AAGAB: variants seen among roughly 807,000 people sequenced by gnomAD.
AAGAB encodes alpha- and gamma-adaptin-binding protein p34.
Under a neutral mutation model 44.1 loss-of-function variants are expected in AAGAB, and 38 were observed. The ratio of observed to expected loss-of-function variants is 0.86; its 90% CI spans 0.67 to 1.13. The LOEUF (loss-of-function observed/expected upper bound fraction) is 1.13. AAGAB is among the 50% of genes most tolerant of loss of function. The pLI, the probability that AAGAB is intolerant of heterozygous loss-of-function variation, is 0.00. For missense variants in AAGAB, 450 were observed against 373.8 expected, an observed-to-expected ratio of 1.20 and a Z score of -1.68; for synonymous variants, 131 against 131.8, an observed-to-expected ratio of 0.99 and a Z score of 0.04.
intron 5 of AAGAB, among the ~76,000 whole-genome samples, chr15:67,213,940 T>G (rs1436165768): frequency 6.6e-6 from 1 of 152,256 alleles, no homozygotes; most frequent in African/African-American, 2.4e-5. Context: ...TTTATTTTAT[T>G]ATTCTCTTTT....
chr15:67,229,259 C>G (rs1964277015), intron 5 of AAGAB, among the ~76,000 whole-genome samples: 1 of 151,990 alleles, frequency 6.6e-6, no homozygotes. Context: ...TGGTGAAACC[C>G]CCGTCTCTAC....
At chr15:67,213,584 T>G (rs577766495) in intron 5 of AAGAB, among the ~76,000 whole-genome samples, 104 of 152,318 alleles carry the variant, frequency 6.8e-4, no homozygotes, top group Middle Eastern at 3.4e-3. Flanking sequence ...TTCTGATTTT[T>G]TCCCTTCTCC....
chr15:67,252,684 G>T (rs1195739382), intron 1 of AAGAB, among the ~76,000 whole-genome samples: 2 of 152,084 alleles, frequency 1.3e-5, no homozygotes, highest in South Asian at 2.1e-4. Context: ...GAAGAAAGGA[G>T]GGAAGGGAGA....
rs575962962 is a variant in AAGAB at position 67,200,709 on chromosome 15, A to T, written c.*2112T>A. On this transcript the variant is annotated 3_prime_UTR_variant, in exon 10 of 10. Transcript: ENST00000261880. ...TGGCAATTCTGTAACAACTTGTGGT[A>T]GCATGAACATAGGTCACTTTAGATA... Among the ~76,000 whole-genome samples the T allele has an allele frequency of 6.6e-6, 1 of 152,394 alleles. No homozygotes were observed. Among genetic ancestry groups the T allele is most frequent in the South Asian group, 2.1e-4 (1 of 4,830 alleles).
At chr15:67,239,483 C>T (rs547561950) in intron 1 of AAGAB, among the ~76,000 whole-genome samples, 1 of 152,276 alleles carries the variant, frequency 6.6e-6, no homozygotes, top group East Asian at 1.9e-4. Flanking sequence ...GGAATGGAAC[C>T]AATAAGTTGG....
chr15:67,228,802 G>A (rs546957127), intron 5 of AAGAB, among the ~76,000 whole-genome samples: 2 of 152,232 alleles, frequency 1.3e-5, no homozygotes, highest in African/African-American at 2.4e-5. Context: ...GCATAAAAAC[G>A]AACAAAGTCA....
chr15:67,230,687 T>G (rs1325788635), intron 5 of AAGAB, among the ~76,000 whole-genome samples: 1 of 152,178 alleles, frequency 6.6e-6, no homozygotes, highest in African/African-American at 2.4e-5. Flanking sequence ...ACCATAGCCC[T>G]AGGGAACCAA....
At chr15:67,220,370 A>G (rs933323954) in intron 5 of AAGAB, 4 of 152,060 alleles carry the variant, frequency 2.6e-5, no homozygotes, top group Admixed American at 2.0e-4. Context: ...GTAAATTAAC[A>G]CTCTGTGCTC....
chr15:67,236,918 G>T, intron 1 of AAGAB, 98 bp from the exon 2 acceptor site: 2 of 956,040 alleles, frequency 2.1e-6, no homozygotes, highest in Non-Finnish European at 3.0e-6. Flanking sequence ...TACTTTTGCT[G>T]TTTCCTTTTA....
intron 5 of AAGAB, among the ~76,000 whole-genome samples, chr15:67,222,240 G>GCA (rs1156310462): frequency 0.013 from 1,126 of 88,248 alleles, 9 homozygotes; most frequent in African/African-American, 0.035. Context: ...ACGCGCGCGC[G>GCA]CGCACACACA....
chr15:67,255,084 A>G, upstream of AAGAB: 7 of 832,086 alleles, frequency 8.4e-6, no homozygotes, highest in Non-Finnish European at 1.4e-5. Context: ...GAGGCTCCCA[A>G]AAATGCCCAC....
intron 1 of AAGAB, among the ~76,000 whole-genome samples, chr15:67,246,829 CA>C (rs1382849718): frequency 1.3e-5 from 2 of 152,162 alleles, no homozygotes; most frequent in African/African-American, 4.8e-5. Flanking sequence ...GTAAATGCAC[CA>C]ATCAGCATTC....
chr15:67,236,607 C>T, intron 2 of AAGAB, 23 bp downstream of exon 2: 1 of 1,609,090 alleles, frequency 6.2e-7, no homozygotes, highest in Non-Finnish European at 8.5e-7. Context: ...TTATTCAAGC[C>T]TTCATAGAAA....
At chr15:67,203,356 C>T (rs1963611424) in intron 9 of AAGAB, among the ~76,000 whole-genome samples, 192 bp downstream of exon 9, 1 of 152,164 alleles carries the variant, frequency 6.6e-6, no homozygotes, top group Non-Finnish European at 1.5e-5. Context: ...CACTCACCAT[C>T]CAGGTGAAAA....
chr15:67,249,439 T>C (rs1964809165), intron 1 of AAGAB, among the ~76,000 whole-genome samples: 1 of 152,182 alleles, frequency 6.6e-6, no homozygotes, highest in Non-Finnish European at 1.5e-5. Context: ...ATACATAGCA[T>C]CTCTGAGTTC....
intron 1 of AAGAB, 75 bp downstream of exon 1, chr15:67,254,484 A>T: frequency 6.6e-7 from 1 of 1,513,574 alleles, no homozygotes; most frequent in Non-Finnish European, 8.9e-7. Context: ...AGGCCCAGAG[A>T]GGCCGTGGTG....
chr15:67,219,920 T>A (rs1219029628), intron 5 of AAGAB, among the ~76,000 whole-genome samples: 1 of 152,108 alleles, frequency 6.6e-6, no homozygotes, highest in Non-Finnish European at 1.5e-5. Context: ...GTACTGTAAT[T>A]TAACCTGTTT....
At chr15:67,254,325 C>CA in intron 1 of AAGAB, 2 of 1,189,586 alleles carry the variant, frequency 1.7e-6, no homozygotes, top group Non-Finnish European at 2.2e-6. Context: ...AGCGGGAAAT[C>CA]AGTCTCACTT....
chr15:67,219,166 C>T (rs563549080), intron 5 of AAGAB, among the ~76,000 whole-genome samples: 1 of 152,154 alleles, frequency 6.6e-6, no homozygotes, highest in Non-Finnish European at 1.5e-5. Flanking sequence ...TCAGTACAGC[C>T]GCCCCACCAG....
Sources: allele counts gnomAD v4.1 joint callset (sites outside exome capture counted in the v4.1 genomes callset), GRCh38; gene constraint gnomAD v4.1.1; transcripts MANE v1.5; gene names NCBI Gene and HGNC (gene_info 2026-07-23, HGNC 2026-07-21).